Variants in SLC9A8 observed in about 807,000 individuals in gnomAD.
SLC9A8 encodes solute carrier family 9 member A8.
A neutral mutation model predicts 66.6 loss-of-function variants in SLC9A8; 48 were observed. That is an observed-to-expected ratio of 0.72 (90% CI 0.57 to 0.92). SLC9A8 has a LOEUF of 0.92. SLC9A8 is among the 40% of genes least tolerant of loss of function. The pLI is 0.00. For synonymous variants in SLC9A8, 274 were observed against 282.6 expected (o/e 0.97, Z 0.31); for missense variants, 599 against 747.3 (o/e 0.80, Z 2.31).
chr20:49,862,155 G>A (rs1298662637), intron 8 of SLC9A8, among the ~76,000 whole-genome samples: 1 of 149,530 alleles, frequency 6.7e-6, no homozygotes, highest in African/African-American at 2.5e-5. Flanking sequence ...GCATATGCAT[G>A]GGCTCTCTTC....
chr20:49,853,491 A>T (rs1393419128), intron 7 of SLC9A8, among the ~76,000 whole-genome samples: 1 of 152,044 alleles, frequency 6.6e-6, no homozygotes, highest in Non-Finnish European at 1.5e-5. Context: ...GCCTCTGGTG[A>T]TGGGGCTGTG....
chr20:49,862,906 TTC>T, intron 8 of SLC9A8, 21 bp from the exon 9 acceptor site: 2 of 1,575,592 alleles, frequency 1.3e-6, no homozygotes, highest in Non-Finnish European at 8.7e-7. Context: ...TTTAATTTAT[TTC>T]TGTTTTCTTT....
chr20:49,884,992 A>G (rs1452366531), intron 14 of SLC9A8, among the ~76,000 whole-genome samples: 2 of 152,254 alleles, frequency 1.3e-5, no homozygotes, highest in Non-Finnish European at 2.9e-5. Flanking sequence ...TCAGAGGCCC[A>G]GGAGTCCTCA....
rs2090023912 is a variant in SLC9A8 at position 49,890,789 on chromosome 20, C to G, written c.*2853C>G. On this transcript the variant is annotated 3_prime_UTR_variant, in exon 16 of 16. Coordinates refer to ENST00000361573, the MANE Select transcript of SLC9A8 (RefSeq NM_015266.3). ...AGAGGCAGAACTGAAGCCCTCTCGG[C>G]CCCTACCCTAAGCCAGCCACCCCTC... is the stretch of plus-strand genomic sequence containing the variant. 1 of 152,290 alleles carries G rather than the reference C, an allele frequency of 6.6e-6. No individual in the cohort carries two copies. The allele number at this position is 152,290 out of a possible 1,614,324, so 9.4% of individuals were successfully genotyped here.
At chr20:49,816,963 C>T (rs1217742648) in intron 2 of SLC9A8, among the ~76,000 whole-genome samples, 1 of 151,852 alleles carries the variant, frequency 6.6e-6, no homozygotes, top group Non-Finnish European at 1.5e-5. Flanking sequence ...CTCCTGACCT[C>T]GTGATCCACC....
intron 11 of SLC9A8, among the ~76,000 whole-genome samples, chr20:49,877,604 T>C (rs1421968090): frequency 2.0e-5 from 3 of 152,178 alleles, no homozygotes; most frequent in African/African-American, 7.2e-5. Flanking sequence ...TCATGTGGCG[T>C]CTGCAGTCAT....
chr20:49,878,011 C>G lies in SLC9A8; in HGVS notation c.1106C>G (p.Ser369Cys), dbSNP rs1425528510. ...ETCVFAFLGL[S>C]IFSFPHKFEI... is the part of the protein sequence containing the mutation. ...TGTGTGTTTGCATTTCTTGGCCTGT[C>G]CATTTTTAGTTTTCCTCACAAGTTT... Residue 369 changes from serine (S) to cysteine (C), a missense_variant, in exon 12 of 16, where the codon TCC (serine) becomes TGC (cysteine). Transcript: ENST00000361573. 1.2e-6 allele frequency: 2 copies of G among 1,603,836 alleles called. No homozygotes were observed. Among genetic ancestry groups the G allele is most frequent in the Non-Finnish European group, 1.7e-6 (2 of 1,177,540 alleles).
Position 49,888,893 on chromosome 20 carries a change from G to A in SLC9A8, c.*957G>A, listed in dbSNP as rs752083985. Reference sequence around the variant, plus strand: ...GCTGCCATCTTCGCTGCTAGTCAGGGTTCCATCCTCTTTCCCCTCTCCCAG... The same window carrying A: ...GCTGCCATCTTCGCTGCTAGTCAGGATTCCATCCTCTTTCCCCTCTCCCAG... On this transcript the variant is annotated 3_prime_UTR_variant, in exon 16 of 16. Coordinates refer to ENST00000361573, the MANE Select transcript of SLC9A8 (RefSeq NM_015266.3). 6.6e-6 allele frequency: 1 copy of A among 152,490 alleles called. No individual in the cohort carries two copies. Among genetic ancestry groups the A allele is most frequent in the Non-Finnish European group, 1.5e-5 (1 of 68,236 alleles). The allele number at this position is 152,490 out of a possible 1,614,324, so 9.4% of individuals were successfully genotyped here. A position where few individuals can be genotyped will look rare whatever the true frequency, so the allele number is the denominator to read the frequency against.
intron 7 of SLC9A8, among the ~76,000 whole-genome samples, chr20:49,853,642 C>T: frequency 6.6e-6 from 1 of 152,208 alleles, no homozygotes; most frequent in East Asian, 1.9e-4. Flanking sequence ...TCTTCCTTCC[C>T]TTTCTTCTTC....
chr20:49,862,093 G>A (rs529618468), intron 8 of SLC9A8, among the ~76,000 whole-genome samples: 9 of 61,622 alleles, frequency 1.5e-4, no homozygotes, highest in African/African-American at 3.8e-4. Context: ...CCACCCCACC[G>A]CTGCGTTTTA....
In SLC9A8 at chr20:49,879,468, G is replaced by A. The variant is rs1028286012; in HGVS notation, c.1158+1405G>A. ...AGACCTTTGCAAGGATTTAAATTTA[G>A]CAGGATAATGCATGTAAAATGATTA... On this transcript the variant is annotated intron_variant, in intron 12 of 15. Coordinates refer to ENST00000361573, the MANE Select transcript of SLC9A8 (RefSeq NM_015266.3). Among the ~76,000 whole-genome samples the A allele has an allele frequency of 3.9e-5, 6 of 152,330 alleles. No homozygotes were observed. The East Asian group carries it at 1.2e-3, about 29-fold the overall frequency.
chr20:49,854,291 C>T (rs1303006914), intron 7 of SLC9A8, among the ~76,000 whole-genome samples: 1 of 152,136 alleles, frequency 6.6e-6, no homozygotes, highest in Non-Finnish European at 1.5e-5. Context: ...TCGCCAGCCT[C>T]TTATGGCTCC....
rs566877357 is a variant in SLC9A8, at chr20:49,818,974, G to A, written c.208+3785G>A. Among the ~76,000 whole-genome samples the A allele has an allele frequency of 4.6e-5, 7 of 152,240 alleles. No individual in the cohort carries two copies. In the East Asian group the frequency reaches 9.6e-4, roughly 21 times the overall value. On this transcript the variant is annotated intron_variant, in intron 2 of 15. Transcript: ENST00000361573. ...CTCTTTTAGTTAATTCAAATGAAAT[G>A]GTAACTTTTGTGTCCTGTAAGCACA...
At chr20:49,826,727 C>T (rs980969465) in intron 3 of SLC9A8, among the ~76,000 whole-genome samples, 1 of 152,024 alleles carries the variant, frequency 6.6e-6, no homozygotes, top group Non-Finnish European at 1.5e-5. Flanking sequence ...GTAGTTTGGG[C>T]CTTTTAAAAA....
chr20:49,833,491 A>C (rs1210031758), intron 3 of SLC9A8, among the ~76,000 whole-genome samples: 1 of 152,250 alleles, frequency 6.6e-6, no homozygotes, highest in Non-Finnish European at 1.5e-5. Flanking sequence ...AACATTTTTC[A>C]TGTAACCTTA....
intron 4 of SLC9A8, among the ~76,000 whole-genome samples, chr20:49,843,841 G>T (rs899554791): frequency 2.6e-5 from 4 of 152,158 alleles, no homozygotes; most frequent in African/African-American, 9.7e-5. Flanking sequence ...GGTCATGGGG[G>T]TGGACCCTCA....
chr20:49,884,766 C>T lies in SLC9A8; in HGVS notation c.1491+700C>T, dbSNP rs549904367. 8.5e-5 allele frequency among the ~76,000 whole-genome samples: 13 copies of T among 152,162 alleles called. No individual in the cohort carries two copies. In the Middle Eastern group the frequency reaches 0.014, roughly 159 times the overall value. On this transcript the variant is annotated intron_variant, in intron 14 of 15. Coordinates refer to ENST00000361573, the MANE Select transcript of SLC9A8 (RefSeq NM_015266.3). ...GAGAGCTGAGGTTCTGCAGCCTGCC[C>T]ACCTCTTCTTCCTACAAGCCACCGC...
rs535185588 is a variant in SLC9A8 at position 49,827,331 on chromosome 20, A to G, written c.289+4190A>G. On this transcript the variant is annotated intron_variant, in intron 3 of 15. Transcript: ENST00000361573. The stretch of plus-strand genomic sequence containing the variant: ...AAGGAATGAAAATGAGGCTGGGTGC[A>G]GTGGCTCATGCCTGTAATCCCAGCA... Among the ~76,000 whole-genome samples, 34 of 150,832 alleles carry G rather than the reference A, an allele frequency of 2.3e-4. 1 individual carries two copies. The South Asian group carries it at 5.5e-3, about 25-fold the overall frequency.
In SLC9A8 at chr20:49,815,261, T is replaced by C. The variant is rs1320658219; in HGVS notation, c.208+72T>C. On this transcript the variant is annotated intron_variant, in intron 2 of 15. Transcript: ENST00000361573. ...TGTGCTCGGTCTGTGTGTTTAACCC[T>C]GTCACTCCTCTTGACTGTCAAGTCT... is the stretch of plus-strand genomic sequence containing the variant. 7.7e-6 allele frequency: 10 copies of C among 1,295,002 alleles called. No homozygotes were observed. In the East Asian group the frequency reaches 1.1e-4, roughly 14 times the overall value. 80.2% of individuals were successfully genotyped at this position (1,295,002 alleles called of 1,614,324 possible).
Sources: gnomAD v4.1 joint callset for allele counts (sites outside exome capture counted in the v4.1 genomes callset) on GRCh38, gnomAD v4.1.1 for gene constraint, MANE v1.5 for transcripts, NCBI Gene and HGNC (gene_info 2026-07-23, HGNC 2026-07-21) for gene names.